The following CC2D1B variants were observed in gnomAD, a reference collection of about 807,000 sequenced individuals.
CC2D1B encodes the protein coiled-coil and C2 domain-containing protein 1B.
CC2D1B carries 92 observed loss-of-function variants against 110.8 expected under a neutral mutation model. The observed-to-expected ratio is 0.83, with a 90% CI of 0.70 to 0.99. The LOEUF (loss-of-function observed/expected upper bound fraction) is 0.99, where lower values mean the gene tolerates loss of function less well. CC2D1B is among the 50% of genes least tolerant of loss of function. The probability of loss-of-function intolerance (pLI) is 0.00; values close to 1 mark genes in which losing one functional copy is unlikely to be tolerated. For missense variants in CC2D1B, 1,136 were observed against 1,089.0 expected (o/e 1.04, Z -0.61); for synonymous variants, 406 against 429.2 (o/e 0.95, Z 0.67).
Position 52,356,230 on chromosome 1 carries a change from G to A in CC2D1B, c.2010C>T (p.Asp670=), listed in dbSNP as rs752910114. 2.5e-6 allele frequency: 4 copies of A among 1,611,940 alleles called. No individual in the cohort carries two copies. In the South Asian group the frequency reaches 4.4e-5, roughly 18 times the overall value. The change falls in exon 18 of 25, where the codon GAC becomes GAT. Residue 670 remains aspartate, a synonymous_variant. Transcript: ENST00000284376. ...ILQLAQAQGL[D]PPTHHFELKT... Reference sequence around the variant, plus strand: ...TCAACTCAAAGTGGTGGGTGGGAGGGTCGAGGCCCTGAGCCTGGGCCAGCT... The same window carrying A: ...TCAACTCAAAGTGGTGGGTGGGAGGATCGAGGCCCTGAGCCTGGGCCAGCT...
chr1:52,362,337 T>C (rs1021989468), intron 3 of CC2D1B, among the ~76,000 whole-genome samples: 1 of 152,190 alleles, frequency 6.6e-6, no homozygotes, highest in African/African-American at 2.4e-5. Context: ...GCCCCTACCC[T>C]ACACCAATAC....
Position 52,354,607 on chromosome 1 carries a change from C to T in CC2D1B, c.2430+1G>A. 1 of 1,614,060 alleles carries T rather than the reference C, an allele frequency of 6.2e-7. No homozygotes were observed. The highest frequency in any genetic ancestry group is 8.5e-7 in the Non-Finnish European group (1 of 1,179,892). On this transcript the variant is annotated splice_donor_variant, in intron 23 of 24. Coordinates refer to ENST00000284376, the MANE Select transcript of CC2D1B (RefSeq NM_001330585.2). LOFTEE classifies it high-confidence loss of function. Reference sequence around the variant, plus strand: ...TGGCTTGCCCACACCCCAGCCCCTACCTCCACAATTTCTCTGATCTCACAC... The same window carrying T: ...TGGCTTGCCCACACCCCAGCCCCTATCTCCACAATTTCTCTGATCTCACAC...
At chr1:52,353,470 G>A (rs1002068795) in intron 24 of CC2D1B, 48 bp downstream of exon 24, 12 of 1,567,822 alleles carry the variant, frequency 7.7e-6, no homozygotes, top group Non-Finnish European at 1.0e-5. Flanking sequence ...GTAGTTAGTT[G>A]AGTAAAAGGA....
In CC2D1B at chr1:52,352,619, C is replaced by G. The variant is rs1298521791; in HGVS notation, c.*606G>C. On this transcript the variant is annotated 3_prime_UTR_variant, in exon 25 of 25. Transcript: ENST00000284376. ...GACCAAACCCAAGATCCAACCTTCC[C>G]CTTACTTCCCACCAAGTAGTACCAA... 2.0e-5 allele frequency: 3 copies of G among 152,504 alleles called. No homozygotes were observed. Among genetic ancestry groups the G allele is most frequent in the African/African-American group, 7.2e-5 (3 of 41,398 alleles). The allele number at this position is 152,504 out of a possible 1,614,324, so 9.4% of individuals were successfully genotyped here.
chr1:52,363,771 C>T (rs1389578882), intron 2 of CC2D1B, among the ~76,000 whole-genome samples: 1 of 151,764 alleles, frequency 6.6e-6, no homozygotes, highest in Non-Finnish European at 1.5e-5. Flanking sequence ...ACCTCTGCCT[C>T]CCGGGTCTAA....
chr1:52,355,042 CTGCATTTTGGGGTACTGCCTCCAAAGGG>C (rs1181473759), intron 21 of CC2D1B, 103 bp from the exon 22 acceptor site: 11 of 933,040 alleles, frequency 1.2e-5, no homozygotes, highest in Non-Finnish European at 1.9e-5. Flanking sequence ...ATCTCTCCAC[CTGCATTTTGGGGTACTGCCTCCAAAGGG>C]TGGTAGAGCA....
At position 52,361,543 on chromosome 1, in the gene CC2D1B, C is replaced by A. The variant is rs772004819; in HGVS notation, c.288G>T (p.Glu96Asp). The change falls in exon 4 of 25, where the codon GAG becomes GAT. Residue 96 changes from glutamate to aspartate, a missense_variant. By Grantham distance (45) the Glu-to-Asp change is conservative (BLOSUM62 2). Transcript: ENST00000284376. The stretch of plus-strand genomic sequence containing the variant: ...GCTCTGCATCTTCCTCCAGCCCTTC[C>A]TCCTCCTCCTCCTCCTCCACATCCC... ...CMRDVEEEEEEEGLEEDAELL... is the reference protein window; with the variant it reads ...CMRDVEEEEEDEGLEEDAELL... 25 of 1,420,732 alleles carry A rather than the reference C, an allele frequency of 1.8e-5. No individual in the cohort carries two copies. Among genetic ancestry groups the A allele is most frequent in the Non-Finnish European group, 2.3e-5 (24 of 1,054,856 alleles). The allele number at this position is 1,420,732 out of a possible 1,614,324, so 88.0% of individuals were successfully genotyped here.
At chr1:52,358,186 G>A in intron 13 of CC2D1B, 145 bp downstream of exon 13, 1 of 1,157,226 alleles carries the variant, frequency 8.6e-7, no homozygotes, top group Non-Finnish European at 1.2e-6. Flanking sequence ...TTCCTAGCTG[G>A]GTGTCCTTGG....
intron 24 of CC2D1B, 75 bp downstream of exon 24, chr1:52,353,443 C>T (rs892518839): frequency 2.0e-6 from 3 of 1,536,922 alleles, no homozygotes; most frequent in African/African-American, 2.8e-5. Context: ...TAGGTTTTCT[C>T]TCCAGATATG....
intron 2 of CC2D1B, 122 bp downstream of exon 2, chr1:52,364,430 A>G (rs1646843463): frequency 3.6e-6 from 2 of 556,822 alleles, no homozygotes; most frequent in Non-Finnish European, 6.4e-6. Flanking sequence ...TGCCACCTCC[A>G]GGAGGCACTG....
Position 52,355,656 on chromosome 1 carries a change from G to T in CC2D1B, c.2139C>A (p.Pro713=). 6.2e-7 allele frequency: 1 copy of T among 1,614,160 alleles called. No individual in the cohort carries two copies. The highest frequency in any genetic ancestry group is 1.1e-5 in the South Asian group (1 of 91,076). ...ACCGCACAAAAGCATCCAGGTCATC[G>T]GGAGTCACCCCTGGGAAGGAGAAAA... ...MNLPAPPGVT[P]DDLDAFVRFE... The change falls in exon 20 of 25, where the codon CCC becomes CCA. Residue 713 remains proline, a synonymous_variant. Coordinates refer to ENST00000284376, the MANE Select transcript of CC2D1B (RefSeq NM_001330585.2).
Position 52,359,876 on chromosome 1 carries a change from G to C in CC2D1B, c.771C>G (p.Pro257=). 6.2e-7 allele frequency: 1 copy of C among 1,611,130 alleles called. No individual in the cohort carries two copies. Among genetic ancestry groups the C allele is most frequent in the Non-Finnish European group, 8.5e-7 (1 of 1,178,764 alleles). ...CAGGGAGGCTGGTCTCAGGTTGGGA[G>C]GGGTTGTCTATAAGGAAACAAACAG... ...PAPPALESDN[P]SQPETSLPGI... Residue 257 remains proline (P), a synonymous_variant, in exon 8 of 25, where the codon CCC becomes CCG. Coordinates refer to ENST00000284376, the MANE Select transcript of CC2D1B (RefSeq NM_001330585.2).
At chr1:52,356,972 G>A (rs2147891333) in intron 16 of CC2D1B, 29 bp downstream of exon 16, 2 of 1,546,358 alleles carry the variant, frequency 1.3e-6, no homozygotes, top group East Asian at 2.4e-5. Flanking sequence ...TGGGCACAGA[G>A]GGGAGGAACA....
rs1487574552 is a variant in CC2D1B at position 52,351,628 on chromosome 1, GTAA to G, written c.*1594_*1596del. 2.6e-5 allele frequency: 4 copies of G among 152,316 alleles called. No individual in the cohort carries two copies. The highest frequency in any genetic ancestry group is 2.1e-4 in the South Asian group (1 of 4,826). 9.4% of individuals were successfully genotyped at this position (152,316 alleles called of 1,614,324 possible). ...CAGCCGGGTGCGGTGGCTCACACCT[GTAA>G]TCCCAGCACTTTGGGAGGCTGAGGT... On this transcript the variant is annotated 3_prime_UTR_variant, in exon 25 of 25. Transcript: ENST00000284376.
Position 52,366,099 on chromosome 1 carries a change from T to G in CC2D1B, c.-45A>C, listed in dbSNP as rs1486139561. The G allele has an allele frequency of 6.6e-6, 1 of 152,150 alleles. No homozygotes were observed. The highest frequency in any genetic ancestry group is 1.5e-5 in the Non-Finnish European group (1 of 68,044). The allele number at this position is 152,150 out of a possible 1,614,324, so 9.4% of individuals were successfully genotyped here. On this transcript the variant is annotated 5_prime_UTR_variant, in exon 1 of 25. Coordinates refer to ENST00000284376, the MANE Select transcript of CC2D1B (RefSeq NM_001330585.2). ...GGTGAATCCGAGCCAAACCCCGGCC[T>G]TGTCTCACCCGGCACCGCCCTGGGC...
At position 52,353,132 on chromosome 1, in the gene CC2D1B, C is replaced by T; in HGVS notation, c.*93G>A. ...CTTTGGTGCTTGGGTAGCAGCATCT[C>T]TTATGTACAAAGGCTTCTGAAGCCA... On this transcript the variant is annotated 3_prime_UTR_variant, in exon 25 of 25. Coordinates refer to ENST00000284376, the MANE Select transcript of CC2D1B (RefSeq NM_001330585.2). The T allele has an allele frequency of 8.0e-7, 1 of 1,242,720 alleles. No homozygotes were observed. The highest frequency in any genetic ancestry group is 1.1e-6 in the Non-Finnish European group (1 of 932,386). 77.0% of individuals were successfully genotyped at this position (1,242,720 alleles called of 1,614,324 possible).
rs182673662 is a variant in CC2D1B, at chr1:52,355,969, G to A, written c.2055-125C>T. On this transcript the variant is annotated intron_variant, in intron 18 of 24. Transcript: ENST00000284376. ...GGAGGGAAGGCAGAGCTGGTATGCA[G>A]ACCTTGATCTCTGACTTCTGGTCCA... is the stretch of plus-strand genomic sequence containing the variant. 189 of 1,022,472 alleles carry A rather than the reference G, an allele frequency of 1.8e-4. 2 individuals carry two copies. The East Asian group carries it at 2.9e-3, about 16-fold the overall frequency. 63.3% of individuals were successfully genotyped at this position (1,022,472 alleles called of 1,614,324 possible).
chr1:52,361,142 C>A lies in CC2D1B; in HGVS notation c.319-10G>T. 1.2e-6 allele frequency: 2 copies of A among 1,613,892 alleles called. No homozygotes were observed. The highest frequency in any genetic ancestry group is 4.5e-5 in the East Asian group (2 of 44,866). On this transcript the variant is annotated splice_polypyrimidine_tract_variant and intron_variant, in intron 4 of 24. Transcript: ENST00000284376. Reference sequence around the variant, plus strand: ...CCTCCTGCAGCTCCGTCTAGGGAGACAAAACACAGCCCAGGAGCTTGGGGG... The same window carrying A: ...CCTCCTGCAGCTCCGTCTAGGGAGAAAAAACACAGCCCAGGAGCTTGGGGG...
chr1:52,357,165 G>C, intron 15 of CC2D1B, 39 bp from the exon 16 acceptor site: 1 of 1,610,310 alleles, frequency 6.2e-7, no homozygotes, highest in East Asian at 2.2e-5. Flanking sequence ...CCAAGAGTCA[G>C]ATTACTCCTC....
Sources: gnomAD v4.1 joint callset for allele counts (sites outside exome capture counted in the v4.1 genomes callset) on GRCh38, gnomAD v4.1.1 for gene constraint, MANE v1.5 for transcripts, NCBI Gene and HGNC (gene_info 2026-07-23, HGNC 2026-07-21) for gene names.